The following DTWD2 variants were observed in gnomAD, a reference collection of about 807,000 sequenced individuals.
DTWD2 encodes the protein DTW motif tRNA-uridine aminocarboxypropyltransferase 2, also known as tRNA-uridine aminocarboxypropyltransferase 2.
In DTWD2, 39 loss-of-function variants were observed where a neutral mutation model predicts 31.8. The ratio of observed to expected loss-of-function variants is 1.22; its 90% CI spans 0.95 to 1.60. The LOEUF (loss-of-function observed/expected upper bound fraction) is 1.60. Among genes scored for constraint, DTWD2 ranks in the 40% most tolerant of loss-of-function variants. The pLI is 0.00. For synonymous variants in DTWD2, 180 were observed against 142.8 expected (o/e 1.26, Z -1.86); for missense variants, 515 against 381.5 (o/e 1.35, Z -2.92).
intron 1 of DTWD2, among the ~76,000 whole-genome samples, chr5:118,977,970 A>G (rs112262268): frequency 0.15 from 23,419 of 152,226 alleles, 1,946 homozygotes; most frequent in Middle Eastern, 0.23. Context: ...AGGCTACAGT[A>G]ATTAAAACAG....
intron 4 of DTWD2, among the ~76,000 whole-genome samples, chr5:118,900,418 A>C (rs1386855605): frequency 6.6e-6 from 1 of 152,234 alleles, no homozygotes; most frequent in Non-Finnish European, 1.5e-5. Flanking sequence ...ATGCTACAAA[A>C]CTGCAGGCAA....
intron 1 of DTWD2, among the ~76,000 whole-genome samples, chr5:118,965,454 G>C (rs971719118): frequency 0.093 from 5 of 54 alleles, no homozygotes; most frequent in Non-Finnish European, 0.14. Flanking sequence ...AACGGGCCAT[G>C]ATGATGATGC....
At chr5:118,891,173 A>G (rs1157017088) in intron 4 of DTWD2, among the ~76,000 whole-genome samples, 1 of 151,686 alleles carries the variant, frequency 6.6e-6, no homozygotes, top group African/African-American at 2.4e-5. Flanking sequence ...TGTTTTCAAA[A>G]TCCATAAGAA....
At chr5:118,857,397 T>G (rs1305672070) in intron 4 of DTWD2, among the ~76,000 whole-genome samples, 1 of 151,814 alleles carries the variant, frequency 6.6e-6, no homozygotes, top group African/African-American at 2.4e-5. Context: ...ATGTTGGGGG[T>G]TTTTTGCAGT....
intron 4 of DTWD2, among the ~76,000 whole-genome samples, chr5:118,923,819 A>T (rs1753755099): frequency 6.6e-6 from 1 of 152,198 alleles, no homozygotes; most frequent in East Asian, 1.9e-4. Context: ...ACTCAGGGTA[A>T]CTCGGATCTC....
At chr5:118,874,691 C>T (rs772361335) in intron 4 of DTWD2, among the ~76,000 whole-genome samples, 1 of 151,970 alleles carries the variant, frequency 6.6e-6, no homozygotes, top group South Asian at 2.1e-4. Flanking sequence ...TGAACAAAAC[C>T]GCCAAAAAAT....
intron 4 of DTWD2, among the ~76,000 whole-genome samples, chr5:118,856,332 G>T (rs1403585616): frequency 6.6e-6 from 1 of 152,114 alleles, no homozygotes; most frequent in Non-Finnish European, 1.5e-5. Flanking sequence ...TCCTATAGCT[G>T]CAGTGTATTT....
At chr5:118,960,911 T>C (rs533166308) in intron 1 of DTWD2, among the ~76,000 whole-genome samples, 1 of 152,092 alleles carries the variant, frequency 6.6e-6, no homozygotes, top group East Asian at 1.9e-4. Flanking sequence ...CAATAGACAT[T>C]GAGGCCTAAT....
intron 2 of DTWD2, among the ~76,000 whole-genome samples, chr5:118,943,856 T>C (rs1435320806): frequency 6.6e-6 from 1 of 152,250 alleles, no homozygotes; most frequent in Non-Finnish European, 1.5e-5. Flanking sequence ...TAATTATTCC[T>C]TCTTAGAAAG....
At chr5:118,949,583 G>C (rs1754413329) in intron 1 of DTWD2, among the ~76,000 whole-genome samples, 3 of 152,190 alleles carry the variant, frequency 2.0e-5, no homozygotes, top group Admixed American at 2.0e-4. Context: ...CCATGCTGTA[G>C]CAAGTGAGTG....
At chr5:118,931,149 T>C (rs1051600521) in intron 3 of DTWD2, among the ~76,000 whole-genome samples, 3 of 152,066 alleles carry the variant, frequency 2.0e-5, no homozygotes, top group African/African-American at 7.2e-5. Flanking sequence ...TCCCAGCACT[T>C]TGGGAGTCCA....
intron 5 of DTWD2, among the ~76,000 whole-genome samples, chr5:118,847,373 T>C (rs1751882833): frequency 6.6e-6 from 1 of 152,160 alleles, no homozygotes; most frequent in Admixed American, 6.5e-5. Context: ...CTTCATGAGT[T>C]GTATTTATCA....
At chr5:118,965,453 T>C (rs1756600604) in intron 1 of DTWD2, among the ~76,000 whole-genome samples, 1 of 310 alleles carries the variant, frequency 3.2e-3, no homozygotes, top group Non-Finnish European at 6.0e-3. Flanking sequence ...GAACGGGCCA[T>C]GATGATGATG....
chr5:118,911,491 A>T (rs1753457329), intron 4 of DTWD2, among the ~76,000 whole-genome samples: 1 of 152,230 alleles, frequency 6.6e-6, no homozygotes, highest in Non-Finnish European at 1.5e-5. Flanking sequence ...TGATCCAGCA[A>T]TCCTACTTCT....
At chr5:118,967,985 CTA>C (rs1197490418) in intron 1 of DTWD2, among the ~76,000 whole-genome samples, 1 of 152,132 alleles carries the variant, frequency 6.6e-6, no homozygotes, top group Non-Finnish European at 1.5e-5. Context: ...ACCAAATGAT[CTA>C]TGTTAATTTC....
At chr5:118,966,530 A>G (rs1754853258) in intron 1 of DTWD2, among the ~76,000 whole-genome samples, 1 of 152,230 alleles carries the variant, frequency 6.6e-6, no homozygotes, top group Non-Finnish European at 1.5e-5. Context: ...ATATTTTCTT[A>G]TGATCATACT....
At chr5:118,986,140 A>C (rs187698247) in intron 1 of DTWD2, among the ~76,000 whole-genome samples, 3 of 152,130 alleles carry the variant, frequency 2.0e-5, no homozygotes, top group Non-Finnish European at 4.4e-5. Context: ...TGTTATCTCA[A>C]ATAATGCTAA....
At chr5:118,899,179 C>T (rs1753149156) in intron 4 of DTWD2, among the ~76,000 whole-genome samples, 1 of 152,198 alleles carries the variant, frequency 6.6e-6, no homozygotes, top group African/African-American at 2.4e-5. Flanking sequence ...ACTTGTAGCA[C>T]TGAAGTGCTG....
rs1754394409 is a variant in DTWD2, at chr5:118,948,715, A to T, written c.219-4066T>A. On this transcript the variant is annotated intron_variant, in intron 1 of 5. Coordinates refer to ENST00000510708, the MANE Select transcript of DTWD2 (RefSeq NM_173666.4). ...AAGAATTCTGACCGCACAGCCCTGC[A>T]CTTCGGCTGTGTGTAATGAAAAGGG... Among the ~76,000 whole-genome samples, 3 of 152,144 alleles carry T rather than the reference A, an allele frequency of 2.0e-5. No homozygotes were observed. The South Asian group carries it at 6.2e-4, about 32-fold the overall frequency.
Sources: gnomAD v4.1 joint callset for allele counts (sites outside exome capture counted in the v4.1 genomes callset) on GRCh38, gnomAD v4.1.1 for gene constraint, MANE v1.5 for transcripts, NCBI Gene and HGNC (gene_info 2026-07-23, HGNC 2026-07-21) for gene names.